Variants in UBXN2A observed in about 807,000 individuals in gnomAD.
UBXN2A encodes UBX domain-containing protein 2A.
In UBXN2A, 28 loss-of-function variants were observed where a neutral mutation model predicts 28.4. That is an observed-to-expected ratio of 0.99 (90% CI 0.73 to 1.35). UBXN2A has a LOEUF of 1.35. UBXN2A is among the 40% of genes most tolerant of loss of function. The pLI is 0.00. For missense variants in UBXN2A, 253 were observed against 297.9 expected (o/e 0.85, Z 1.11); for synonymous variants, 97 against 103.6 (o/e 0.94, Z 0.39).
At chr2:23,949,126 T>C (rs988731992) in intron 1 of UBXN2A, among the ~76,000 whole-genome samples, 21 of 148,394 alleles carry the variant, frequency 1.4e-4, no homozygotes, top group Admixed American at 1.3e-3. Context: ...CTTTTTTTTT[T>C]TTTTTTTGTA....
intron 1 of UBXN2A, among the ~76,000 whole-genome samples, chr2:23,950,640 G>T (rs1413800642): frequency 6.6e-6 from 1 of 152,012 alleles, no homozygotes; most frequent in East Asian, 1.9e-4. Flanking sequence ...CTGACCTCAA[G>T]TGATCCGCCC....
At chr2:23,982,088 G>C (rs186768929) in intron 4 of UBXN2A, among the ~76,000 whole-genome samples, 5 of 151,900 alleles carry the variant, frequency 3.3e-5, no homozygotes, top group African/African-American at 1.2e-4. Flanking sequence ...TTCCAGGCAC[G>C]GTGGCTCACA....
chr2:23,998,126 CTAACT>C (rs1320182332), intron 6 of UBXN2A, among the ~76,000 whole-genome samples: 2 of 152,074 alleles, frequency 1.3e-5, no homozygotes, highest in African/African-American at 4.8e-5. Context: ...TTAATATTTT[CTAACT>C]TAATACATAA....
intron 2 of UBXN2A, among the ~76,000 whole-genome samples, chr2:23,970,338 G>T (rs2150865512): frequency 6.6e-6 from 1 of 152,252 alleles, no homozygotes; most frequent in South Asian, 2.1e-4. Context: ...CTCCAGACCA[G>T]TGGTTTTTAA....
intron 1 of UBXN2A, among the ~76,000 whole-genome samples, chr2:23,942,846 C>G (rs1317013616): frequency 5.9e-5 from 9 of 152,054 alleles, no homozygotes; most frequent in Middle Eastern, 3.4e-3. Flanking sequence ...ACAATGAACT[C>G]TCCCGTAATA....
In UBXN2A at chr2:23,983,043, C is replaced by A; in HGVS notation, c.425+10C>A. On this transcript the variant is annotated intron_variant, in intron 5 of 6. Transcript: ENST00000309033. Reference sequence around the variant, plus strand: ...GTCACAGACTAGGAAGGTAAATATGCCTATTGTCTTGTTTTGCATAGATCA... The same window carrying A: ...GTCACAGACTAGGAAGGTAAATATGACTATTGTCTTGTTTTGCATAGATCA... 1 of 1,587,530 alleles carries A rather than the reference C, an allele frequency of 6.3e-7. No individual in the cohort carries two copies. Among genetic ancestry groups the A allele is most frequent in the Non-Finnish European group, 8.6e-7 (1 of 1,167,702 alleles).
At chr2:23,984,034 G>A (rs1708025158) in intron 5 of UBXN2A, among the ~76,000 whole-genome samples, 1 of 152,156 alleles carries the variant, frequency 6.6e-6, no homozygotes, top group Non-Finnish European at 1.5e-5. Flanking sequence ...ATCTATGTAT[G>A]AATTTTGAGG....
intron 1 of UBXN2A, among the ~76,000 whole-genome samples, chr2:23,951,683 A>G (rs1216087301): frequency 6.6e-6 from 1 of 151,324 alleles, no homozygotes; most frequent in Non-Finnish European, 1.5e-5. Context: ...CTGGTCTCGA[A>G]CTCCTGGCCT....
chr2:23,955,173 C>T (rs1706560318), intron 1 of UBXN2A, among the ~76,000 whole-genome samples: 1 of 152,054 alleles, frequency 6.6e-6, no homozygotes, highest in East Asian at 1.9e-4. Flanking sequence ...CCTTGTGATT[C>T]GCCCACCTCG....
At chr2:23,953,991 C>G (rs2150824540) in intron 1 of UBXN2A, among the ~76,000 whole-genome samples, 1 of 152,276 alleles carries the variant, frequency 6.6e-6, no homozygotes, top group South Asian at 2.1e-4. Context: ...TTAGCAGTTG[C>G]AAATTGGAGA....
chr2:23,950,508 A>G (rs1379993743), intron 1 of UBXN2A, among the ~76,000 whole-genome samples: 4 of 151,662 alleles, frequency 2.6e-5, no homozygotes, highest in Admixed American at 2.0e-4. Flanking sequence ...GGTTCCAGCA[A>G]TTCTCCCACC....
intron 6 of UBXN2A, among the ~76,000 whole-genome samples, chr2:23,987,344 A>C (rs1256106655): frequency 6.6e-6 from 1 of 152,218 alleles, no homozygotes; most frequent in Non-Finnish European, 1.5e-5. Flanking sequence ...TGGAAGAGGT[A>C]AATAACCACT....
chr2:23,994,534 C>T (rs1305423825), intron 6 of UBXN2A, among the ~76,000 whole-genome samples: 2 of 152,074 alleles, frequency 1.3e-5, no homozygotes, highest in Non-Finnish European at 2.9e-5. Context: ...GACCTGTCTT[C>T]GAGTTCAGTA....
chr2:23,954,138 G>C (rs923292720), intron 1 of UBXN2A, among the ~76,000 whole-genome samples: 2 of 151,986 alleles, frequency 1.3e-5, no homozygotes, highest in Non-Finnish European at 2.9e-5. Flanking sequence ...TCAGCCTCCC[G>C]AGTAGCTGGG....
At chr2:23,985,822 C>T (rs1708103155) in intron 6 of UBXN2A, among the ~76,000 whole-genome samples, 1 of 151,858 alleles carries the variant, frequency 6.6e-6, no homozygotes, top group African/African-American at 2.4e-5. Flanking sequence ...ATAGTGAGAC[C>T]TCGTGTCTAC....
intron 3 of UBXN2A, 122 bp from the exon 4 acceptor site, chr2:23,976,846 GC>G (rs1366797690): frequency 1.5e-6 from 1 of 682,174 alleles, no homozygotes; most frequent in Non-Finnish European, 2.4e-6. Context: ...CTCCCGAAGT[GC>G]TGGGATTACA....
chr2:23,940,034 C>T (rs1705667701), upstream of UBXN2A, among the ~76,000 whole-genome samples: 1 of 147,940 alleles, frequency 6.8e-6, no homozygotes, highest in African/African-American at 2.5e-5. Flanking sequence ...CGCTCGAATC[C>T]GGGAGGCGGA....
chr2:23,933,076 G>A (rs563343436), intron 1 of UBXN2A, among the ~76,000 whole-genome samples: 1 of 152,198 alleles, frequency 6.6e-6, no homozygotes, highest in South Asian at 2.1e-4. Flanking sequence ...CTGCCCTTCA[G>A]CCTGGGCAAC....
At chr2:23,947,133 A>G (rs1706127008) in intron 1 of UBXN2A, among the ~76,000 whole-genome samples, 1 of 152,064 alleles carries the variant, frequency 6.6e-6, no homozygotes, top group Admixed American at 6.6e-5. Flanking sequence ...AGAGATTCCC[A>G]CCACCTGAGC....
Sources: gnomAD v4.1 joint callset for allele counts (sites outside exome capture counted in the v4.1 genomes callset) on GRCh38, gnomAD v4.1.1 for gene constraint, MANE v1.5 for transcripts, NCBI Gene and HGNC (gene_info 2026-07-23, HGNC 2026-07-21) for gene names.